Variants in PTPRS observed in about 807,000 individuals in gnomAD.
PTPRS encodes protein tyrosine phosphatase receptor type S, also known as receptor-type tyrosine-protein phosphatase S.
A neutral mutation model predicts 215.3 loss-of-function variants in PTPRS; 63 were observed. That is an observed-to-expected ratio of 0.29 (90% CI 0.24 to 0.36). PTPRS has a LOEUF of 0.36. Among genes scored for constraint, PTPRS ranks in the 10% least tolerant of loss-of-function variants. The pLI is 1.00. For missense variants in PTPRS, 2,258 were observed against 2,825.8 expected, an observed-to-expected ratio of 0.80 and a Z score of 4.56; for synonymous variants, 1,404 against 1,191.4, an observed-to-expected ratio of 1.18 and a Z score of -3.68.
intron 17 of PTPRS, among the ~76,000 whole-genome samples, chr19:5,224,417 G>A (rs1480465123): frequency 1.3e-5 from 2 of 152,124 alleles, no homozygotes; most frequent in African/African-American, 4.8e-5. Context: ...TGTTGATTTG[G>A]CCCTTGCTCA....
intron 5 of PTPRS, among the ~76,000 whole-genome samples, chr19:5,264,061 G>A (rs190524851): frequency 2.6e-4 from 39 of 152,278 alleles, no homozygotes; most frequent in Admixed American, 6.5e-4. Flanking sequence ...GGAACCACCC[G>A]TCTCCAAGGC....
At chr19:5,221,642 C>G (rs945358340) in intron 19 of PTPRS, among the ~76,000 whole-genome samples, 1 of 152,096 alleles carries the variant, frequency 6.6e-6, no homozygotes, top group Non-Finnish European at 1.5e-5. Context: ...AGACCTGATC[C>G]TAGACTGATT....
intron 2 of PTPRS, 46 bp from the exon 3 acceptor site, chr19:5,274,390 A>AT: frequency 6.3e-7 from 1 of 1,579,520 alleles, no homozygotes; most frequent in Non-Finnish European, 8.6e-7. Context: ...GGGTCCAGGC[A>AT]TCTGGCTAGG....
At chr19:5,298,678 C>T (rs140208464) in intron 1 of PTPRS, among the ~76,000 whole-genome samples, 90 of 152,376 alleles carry the variant, frequency 5.9e-4, no homozygotes, top group African/African-American at 2.0e-3. Context: ...ACCCGCCAGC[C>T]GCACCGCAGC....
At chr19:5,283,514 T>C (rs1017124482) in intron 2 of PTPRS, among the ~76,000 whole-genome samples, 11 of 150,536 alleles carry the variant, frequency 7.3e-5, no homozygotes, top group Non-Finnish European at 1.0e-4. Context: ...GAGGTGGAGG[T>C]TGCAGTGAGC....
intron 4 of PTPRS, among the ~76,000 whole-genome samples, chr19:5,268,741 AG>A (rs2046644843): frequency 6.6e-6 from 1 of 152,136 alleles, no homozygotes; most frequent in Non-Finnish European, 1.5e-5. Flanking sequence ...TTTTCCATAG[AG>A]GGGGAAACGG....
In PTPRS at chr19:5,205,730, T is replaced by C. The variant is rs931332451; in HGVS notation, c.*1044A>G. On this transcript the variant is annotated 3_prime_UTR_variant, in exon 38 of 38. Coordinates refer to ENST00000262963, the MANE Select transcript of PTPRS (RefSeq NM_002850.4). ...CACAGTCCCAGGGGGAAAGGGTCCC[T>C]GATGTGGGGCAGCACAGCCATACAG... is the stretch of plus-strand genomic sequence containing the variant. 2.2e-4 allele frequency among the ~76,000 whole-genome samples: 33 copies of C among 151,996 alleles called. No homozygotes were observed. Among genetic ancestry groups the C allele is most frequent in the African/African-American group, 8.0e-4 (33 of 41,386 alleles).
chr19:5,335,953 A>C (rs7257300), intron 1 of PTPRS, among the ~76,000 whole-genome samples: 111,898 of 151,206 alleles, frequency 0.74, 42,019 homozygotes, highest in African/African-American at 0.85. Flanking sequence ...CACCAGCCCC[A>C]AGGTCCAGTC....
chr19:5,286,751 A>G (rs1414289012), intron 1 of PTPRS, among the ~76,000 whole-genome samples: 1 of 152,020 alleles, frequency 6.6e-6, no homozygotes, highest in African/African-American at 2.4e-5. Flanking sequence ...CAGCAGCCCA[A>G]ATGGACTAAG....
chr19:5,228,316 GC>G (rs1360768503), intron 16 of PTPRS, among the ~76,000 whole-genome samples: 1 of 137,952 alleles, frequency 7.2e-6, no homozygotes, highest in East Asian at 2.3e-4. Flanking sequence ...CTGTACTCCA[GC>G]CCGGGCGATA....
intron 11 of PTPRS, among the ~76,000 whole-genome samples, chr19:5,241,718 C>T (rs1254517780): frequency 6.6e-6 from 1 of 152,084 alleles, no homozygotes; most frequent in Non-Finnish European, 1.5e-5. Context: ...AAGCCTGAGC[C>T]CCAAAGGAAA....
Position 5,222,811 on chromosome 19 carries a change from G to A in PTPRS, c.2981C>T (p.Ala994Val), listed in dbSNP as rs370623380. ...PAAAEPGAEN[A>V]LTLQGLKPDT... is the part of the protein sequence containing the mutation. ...GGGCTTCAGGCCCTGCAGCGTGAGC[G>A]CGTTCTCCGCGCCCGGCTCAGCCGC... The change falls in exon 18 of 38, where the codon GCG (alanine) becomes GTG (valine). Residue 994 changes from alanine (A) to valine (V), a missense_variant. Around this residue, in one of 6 missense-constraint regions of PTPRS, gnomAD observed 361 missense variants for 332.6 expected, o/e 1.09. Transcript: ENST00000262963. 132 of 1,597,080 alleles carry A rather than the reference G, an allele frequency of 8.3e-5. No individual in the cohort carries two copies. The African/African-American group carries it at 8.7e-4, about 11-fold the overall frequency.
Position 5,257,997 on chromosome 19 carries a change from C to CTGGACGCGGCG in PTPRS, c.706+9_706+19dup, listed in dbSNP as rs777505722. The CTGGACGCGGCG allele has an allele frequency of 1.2e-6, 2 of 1,604,670 alleles. No homozygotes were observed. Among genetic ancestry groups the CTGGACGCGGCG allele is most frequent in the East Asian group, 4.5e-5 (2 of 44,826 alleles). ...GACGGGGCGGGTCCCTGCCTTTGAC[C>CTGGACGCGGCG]TGGACGCGGCGTTCCCTACCTCGCA... On this transcript the variant is annotated intron_variant, in intron 8 of 37. Coordinates refer to ENST00000262963, the MANE Select transcript of PTPRS (RefSeq NM_002850.4). The surrounding 1 kb of genome is among the most constrained non-coding windows in gnomAD (Gnocchi z 4.4).
intron 2 of PTPRS, among the ~76,000 whole-genome samples, chr19:5,277,096 G>T (rs1209533868): frequency 1.8e-4 from 25 of 140,306 alleles, no homozygotes; most frequent in African/African-American, 6.7e-4. Flanking sequence ...GTCTCGCTCT[G>T]TCGCCCAGGC....
chr19:5,304,989 C>G (rs2049432784), intron 1 of PTPRS, among the ~76,000 whole-genome samples: 1 of 151,894 alleles, frequency 6.6e-6, no homozygotes, highest in African/African-American at 2.4e-5. Flanking sequence ...CACTACCCCC[C>G]CAGAGCTCAG....
Position 5,239,078 on chromosome 19 carries a change from G to A in PTPRS, c.1705-15C>T, listed in dbSNP as rs1028984778. 15 of 1,603,328 alleles carry A rather than the reference G, an allele frequency of 9.4e-6. No individual in the cohort carries two copies. The highest frequency in any genetic ancestry group is 6.7e-5 in the African/African-American group (5 of 74,160). On this transcript the variant is annotated splice_polypyrimidine_tract_variant and intron_variant, in intron 12 of 37. Coordinates refer to ENST00000262963, the MANE Select transcript of PTPRS (RefSeq NM_002850.4). ...GTCCTTCCCACCTGGGGGCAGGGCAGAGAAGGACAGAGAGGGATGGGGGAG... is the reference window on the plus strand; with the variant it reads ...GTCCTTCCCACCTGGGGGCAGGGCAAAGAAGGACAGAGAGGGATGGGGGAG...
At chr19:5,327,233 C>T (rs2050194439) in intron 1 of PTPRS, among the ~76,000 whole-genome samples, 1 of 152,244 alleles carries the variant, frequency 6.6e-6, no homozygotes, top group Admixed American at 6.5e-5. Flanking sequence ...CGCCCCCAAG[C>T]CCCATATGCA....
intron 1 of PTPRS, among the ~76,000 whole-genome samples, chr19:5,326,022 G>T (rs944143511): frequency 6.6e-6 from 1 of 152,164 alleles, no homozygotes; most frequent in African/African-American, 2.4e-5. Context: ...CTTGAGGTCA[G>T]GAGTTCGAAA....
At chr19:5,311,665 G>C (rs1423935050) in intron 1 of PTPRS, among the ~76,000 whole-genome samples, 1 of 152,168 alleles carries the variant, frequency 6.6e-6, no homozygotes, top group Non-Finnish European at 1.5e-5. Context: ...GGGGAGACCC[G>C]AGCTCCCTGG....
Sources: gnomAD v4.1 joint callset for allele counts (sites outside exome capture counted in the v4.1 genomes callset) on GRCh38, gnomAD v4.1.1 for gene constraint, gnomAD v4.1.1 regional missense constraint, Gnocchi (gnomAD v3.1) non-coding constraint, MANE v1.5 for transcripts, NCBI Gene and HGNC (gene_info 2026-07-23, HGNC 2026-07-21) for gene names.